Variants in PLCH1 observed in about 807,000 individuals in gnomAD.
PLCH1 encodes 1-phosphatidylinositol 4,5-bisphosphate phosphodiesterase eta-1.
Under a neutral mutation model 126.7 loss-of-function variants are expected in PLCH1, and 60 were observed. The observed-to-expected ratio is 0.47, with a 90% CI of 0.38 to 0.59. The LOEUF (loss-of-function observed/expected upper bound fraction) is 0.59. Among genes scored for constraint, PLCH1 ranks in the 20% least tolerant of loss-of-function variants. The pLI is 0.00. For synonymous variants in PLCH1, 719 were observed against 734.9 expected, an observed-to-expected ratio of 0.98 and a Z score of 0.35; for missense variants, 1,723 against 2,040.0, an observed-to-expected ratio of 0.84 and a Z score of 2.99.
At chr3:155,706,290 A>C (rs1482138922) in intron 1 of PLCH1, among the ~76,000 whole-genome samples, 1 of 151,800 alleles carries the variant, frequency 6.6e-6, no homozygotes, top group East Asian at 1.9e-4. Flanking sequence ...GTTTGAAATC[A>C]GCCTGGCCAA....
chr3:155,547,982 A>G (rs895431126), intron 10 of PLCH1, among the ~76,000 whole-genome samples: 3 of 151,978 alleles, frequency 2.0e-5, no homozygotes, highest in Non-Finnish European at 2.9e-5. Context: ...TGGCACATGT[A>G]TACATATGTA....
intron 2 of PLCH1, among the ~76,000 whole-genome samples, chr3:155,667,927 A>AG (rs397960724): frequency 2.1e-4 from 31 of 146,184 alleles, no homozygotes; most frequent in African/African-American, 8.0e-4. Context: ...AAAAAAAAAA[A>AG]TACAAAAATT....
chr3:155,689,364 C>T (rs571300914), intron 2 of PLCH1, among the ~76,000 whole-genome samples: 1 of 152,140 alleles, frequency 6.6e-6, no homozygotes, highest in East Asian at 1.9e-4. Flanking sequence ...TCTTCAATGC[C>T]CAAACACCAA....
intron 19 of PLCH1, among the ~76,000 whole-genome samples, chr3:155,490,477 T>A (rs1032653891): frequency 1.3e-5 from 2 of 152,146 alleles, no homozygotes; most frequent in South Asian, 2.1e-4. Context: ...TATAAACATA[T>A]AATGGAGGCA....
chr3:155,677,766 G>A (rs886806759), intron 2 of PLCH1, among the ~76,000 whole-genome samples: 2 of 152,102 alleles, frequency 1.3e-5, no homozygotes, highest in Admixed American at 6.5e-5. Context: ...CCCAGGAAAG[G>A]AGTGGACTTC....
chr3:155,618,432 C>T (rs570048758), intron 2 of PLCH1, among the ~76,000 whole-genome samples: 10 of 152,222 alleles, frequency 6.6e-5, no homozygotes, highest in African/African-American at 2.4e-4. Flanking sequence ...CAGCCACCGT[C>T]CTCCTCTTCT....
At chr3:155,711,200 A>G (rs977677841) in intron 1 of PLCH1, among the ~76,000 whole-genome samples, 5 of 152,212 alleles carry the variant, frequency 3.3e-5, no homozygotes, top group African/African-American at 1.2e-4. Context: ...TAGAGGACTC[A>G]TGCAGCAAAT....
At chr3:155,737,093 G>A (rs1203368976) in intron 1 of PLCH1, among the ~76,000 whole-genome samples, 5 of 151,638 alleles carry the variant, frequency 3.3e-5, no homozygotes, top group Admixed American at 6.6e-5. Context: ...TTAGCCGGGC[G>A]TGGTGGCGCA....
chr3:155,591,045 C>T (rs1303302435), intron 4 of PLCH1, among the ~76,000 whole-genome samples: 1 of 152,122 alleles, frequency 6.6e-6, no homozygotes, highest in African/African-American at 2.4e-5. Context: ...TGCCAGTAAA[C>T]GTGGACAATC....
chr3:155,504,710 C>T, intron 12 of PLCH1, 84 bp from the exon 13 acceptor site: 2 of 862,214 alleles, frequency 2.3e-6, no homozygotes, highest in Non-Finnish European at 3.9e-6. Flanking sequence ...GCAAGGGGGC[C>T]CTCTTTTCTC....
rs1716051480 is a variant in PLCH1 at position 155,490,727 on chromosome 3, G to A, written c.2392+57C>T. 9.2e-6 allele frequency: 9 copies of A among 976,854 alleles called. No individual in the cohort carries two copies. The South Asian group carries it at 1.1e-4, about 12-fold the overall frequency. 60.5% of individuals were successfully genotyped at this position (976,854 alleles called of 1,614,324 possible). ...CTTCTACATAGACACTTTTTTTAGT[G>A]TAAATTCTATTTCTAGACCATCTTC... On this transcript the variant is annotated intron_variant, in intron 19 of 22. Transcript: ENST00000460012.
At chr3:155,666,297 T>C (rs1258901580) in intron 2 of PLCH1, among the ~76,000 whole-genome samples, 1 of 152,246 alleles carries the variant, frequency 6.6e-6, no homozygotes, top group Non-Finnish European at 1.5e-5. Flanking sequence ...TTGAATGTCA[T>C]CTTTTTTTTC....
intron 2 of PLCH1, among the ~76,000 whole-genome samples, chr3:155,703,778 A>G (rs1003106909): frequency 1.3e-5 from 2 of 152,254 alleles, no homozygotes; most frequent in Non-Finnish European, 1.5e-5. Flanking sequence ...GCTGGTAATA[A>G]GCATTGACTG....
At chr3:155,598,876 C>A (rs570852698) in intron 2 of PLCH1, among the ~76,000 whole-genome samples, 4 of 152,126 alleles carry the variant, frequency 2.6e-5, no homozygotes, top group South Asian at 2.1e-4. Context: ...GTATTTACGT[C>A]CCCAAAGACC....
At chr3:155,538,708 G>A (rs1399445060) in intron 10 of PLCH1, among the ~76,000 whole-genome samples, 1 of 152,016 alleles carries the variant, frequency 6.6e-6, no homozygotes, top group African/African-American at 2.4e-5. Flanking sequence ...GGAAGAAACA[G>A]AAACTCTGAA....
chr3:155,508,662 A>G (rs1332609245), intron 12 of PLCH1, among the ~76,000 whole-genome samples: 1 of 101,888 alleles, frequency 9.8e-6, no homozygotes, highest in East Asian at 2.7e-4. Context: ...ACATTTATTG[A>G]TTTGCGTATA....
At chr3:155,478,762 C>G (rs925429813), downstream of PLCH1, among the ~76,000 whole-genome samples, 1 of 151,860 alleles carries the variant, frequency 6.6e-6, no homozygotes, top group Admixed American at 6.6e-5. Context: ...TGATTTAATC[C>G]CAGTCCATTA....
intron 2 of PLCH1, among the ~76,000 whole-genome samples, chr3:155,631,990 G>C (rs1738095362): frequency 6.6e-6 from 1 of 150,644 alleles, no homozygotes; most frequent in Non-Finnish European, 1.5e-5. Context: ...ACTTCTGTGT[G>C]ATCTGTATGC....
rs756192239 is a variant in PLCH1 at position 155,481,905 on chromosome 3, C to T, written c.4121G>A (p.Ser1374Asn). 6.2e-7 allele frequency: 1 copy of T among 1,614,160 alleles called. No individual in the cohort carries two copies. The highest frequency in any genetic ancestry group is 2.2e-5 in the East Asian group (1 of 44,890). ...TTCEYRREGT[S>N]QLASPLKLKY... ...GAGTTTTAAAGGAGAAGCAAGTTGA[C>T]TTGTGCCCTCTCTCCTATATTCACA... Residue 1374 changes from serine to asparagine, a missense_variant, in exon 23 of 23, where the codon AGT (serine) becomes AAT (asparagine). Coordinates refer to ENST00000460012, the MANE Select transcript of PLCH1 (RefSeq NM_014996.4). The surrounding 1 kb of genome is among the most constrained non-coding windows in gnomAD (Gnocchi z 4.2).
Sources: allele counts gnomAD v4.1 joint callset (sites outside exome capture counted in the v4.1 genomes callset), GRCh38; gene constraint gnomAD v4.1.1; non-coding constraint Gnocchi (gnomAD v3.1); transcripts MANE v1.5; gene names NCBI Gene and HGNC (gene_info 2026-07-23, HGNC 2026-07-21).